The following CA10 variants were observed in gnomAD, a reference collection of about 807,000 sequenced individuals.
CA10 encodes carbonic anhydrase 10 (inactive), also known as carbonic anhydrase-related protein 10.
Under a neutral mutation model 44.2 loss-of-function variants are expected in CA10, and 14 were observed. The ratio of observed to expected loss-of-function variants is 0.32; its 90% CI spans 0.21 to 0.50. CA10 has a LOEUF of 0.50. CA10 is among the 20% of genes least tolerant of loss of function. The pLI, the probability that CA10 is intolerant of heterozygous loss-of-function variation, is 0.99. For missense variants in CA10, 350 were observed against 409.7 expected, an observed-to-expected ratio of 0.85 and a Z score of 1.26; for synonymous variants, 159 against 141.6, an observed-to-expected ratio of 1.12 and a Z score of -0.87.
At chr17:51,755,251 G>C (rs544557065) in intron 3 of CA10, among the ~76,000 whole-genome samples, 1 of 152,298 alleles carries the variant, frequency 6.6e-6, no homozygotes, top group Admixed American at 6.5e-5. Flanking sequence ...TTGGGTCTTA[G>C]ATGTTGTATA....
At chr17:51,986,956 A>T (rs1167904074) in intron 2 of CA10, among the ~76,000 whole-genome samples, 3 of 152,112 alleles carry the variant, frequency 2.0e-5, no homozygotes. Context: ...GAGATTCCTT[A>T]AAGAACTAAA....
chr17:52,016,092 G>T (rs11650852), intron 2 of CA10, among the ~76,000 whole-genome samples: 15,821 of 151,982 alleles, frequency 0.1, 880 homozygotes, highest in South Asian at 0.16. Flanking sequence ...TTTGGGAGAG[G>T]CATTGGAGTT....
At chr17:51,996,909 T>C (rs948612909) in intron 2 of CA10, among the ~76,000 whole-genome samples, 1 of 152,092 alleles carries the variant, frequency 6.6e-6, no homozygotes, top group Admixed American at 6.6e-5. Context: ...AGAGAACTTC[T>C]GTAATATGCA....
At chr17:51,692,684 AATT>A (rs1208442856) in intron 4 of CA10, among the ~76,000 whole-genome samples, 1 of 151,374 alleles carries the variant, frequency 6.6e-6, no homozygotes, top group African/African-American at 2.4e-5. Context: ...TTAATCCATT[AATT>A]ATTGGCCTAT....
chr17:51,851,070 T>G (rs948946484), intron 3 of CA10, among the ~76,000 whole-genome samples: 3 of 152,222 alleles, frequency 2.0e-5, no homozygotes, highest in African/African-American at 7.2e-5. Context: ...GGAGCAAAGC[T>G]GCCTAGCATG....
rs184107323 is a variant in CA10 at position 51,964,530 on chromosome 17, A to T, written c.137-33398T>A. On this transcript the variant is annotated intron_variant, in intron 2 of 8. Transcript: ENST00000451037. Reference sequence around the variant, plus strand: ...GCCATAAAGCAAGTCTCAATAATTTAAAAAAAAATTGAAATTACACCAACC... The same window carrying T: ...GCCATAAAGCAAGTCTCAATAATTTTAAAAAAAATTGAAATTACACCAACC... Among the ~76,000 whole-genome samples, 37 of 151,224 alleles carry T rather than the reference A, an allele frequency of 2.4e-4. No individual in the cohort carries two copies. In the East Asian group the frequency reaches 2.5e-3, roughly 10 times the overall value.
At chr17:51,845,207 C>G (rs543201200) in intron 3 of CA10, among the ~76,000 whole-genome samples, 1 of 152,162 alleles carries the variant, frequency 6.6e-6, no homozygotes, top group Admixed American at 6.5e-5. Flanking sequence ...TTTAAGCCAC[C>G]AGTTTGTGTC....
chr17:51,886,211 G>T (rs549231000), intron 3 of CA10, among the ~76,000 whole-genome samples: 1 of 152,210 alleles, frequency 6.6e-6, no homozygotes, highest in Non-Finnish European at 1.5e-5. Context: ...TTTGAGCATT[G>T]TGGGTGAATG....
intron 3 of CA10, among the ~76,000 whole-genome samples, chr17:51,873,716 G>GT (rs1294462425): frequency 6.6e-6 from 1 of 152,208 alleles, no homozygotes; most frequent in Non-Finnish European, 1.5e-5. Context: ...TGGGCCTTTG[G>GT]TTCTGCTCCT....
intron 3 of CA10, among the ~76,000 whole-genome samples, chr17:51,889,393 G>T (rs1377224593): frequency 6.6e-6 from 1 of 152,072 alleles, no homozygotes; most frequent in African/African-American, 2.4e-5. Flanking sequence ...GTGTTGGGGT[G>T]AACACCCATA....
chr17:51,795,616 G>T (rs768934560), intron 3 of CA10, among the ~76,000 whole-genome samples: 3 of 152,194 alleles, frequency 2.0e-5, no homozygotes, highest in Non-Finnish European at 4.4e-5. Flanking sequence ...CAGAACAAAG[G>T]TGCCTTTGGT....
intron 3 of CA10, among the ~76,000 whole-genome samples, chr17:51,922,345 C>T (rs1412049741): frequency 2.0e-5 from 3 of 152,270 alleles, no homozygotes; most frequent in Admixed American, 6.5e-5. Context: ...ATCTAAAATT[C>T]AAACTCAGTT....
At chr17:51,841,685 T>C (rs1031032118) in intron 3 of CA10, among the ~76,000 whole-genome samples, 2 of 152,160 alleles carry the variant, frequency 1.3e-5, no homozygotes, top group African/African-American at 4.8e-5. Flanking sequence ...TATGGGTTGA[T>C]TTATTATTTT....
intron 3 of CA10, among the ~76,000 whole-genome samples, chr17:51,902,540 T>C (rs79537880): frequency 0.012 from 1,772 of 152,288 alleles, 39 homozygotes; most frequent in African/African-American, 0.041. Flanking sequence ...CACAATGAGC[T>C]AGTAAAAACC....
At chr17:52,050,817 A>C (rs917663619) in intron 2 of CA10, among the ~76,000 whole-genome samples, 2 of 152,096 alleles carry the variant, frequency 1.3e-5, no homozygotes, top group Non-Finnish European at 2.9e-5. Context: ...TAGAATGTGC[A>C]TACTTTGAAA....
At chr17:51,692,090 T>A (rs1268890) in intron 4 of CA10, among the ~76,000 whole-genome samples, 152,346 of 152,346 alleles carry the variant, frequency 1, 76,173 homozygotes, top group Non-Finnish European at 1. Flanking sequence ...TCTGGGTAGT[T>A]CAGATGTTTA....
chr17:52,072,070 G>A (rs539912283), intron 2 of CA10, among the ~76,000 whole-genome samples: 2 of 152,200 alleles, frequency 1.3e-5, no homozygotes, highest in African/African-American at 2.4e-5. Context: ...ACACAGCTTC[G>A]GCCCTTAATC....
chr17:52,079,375 C>G (rs1987904636), intron 1 of CA10, among the ~76,000 whole-genome samples: 1 of 151,788 alleles, frequency 6.6e-6, no homozygotes, highest in Non-Finnish European at 1.5e-5. Flanking sequence ...AGGAGAATCG[C>G]TTCAACCCGG....
intron 2 of CA10, among the ~76,000 whole-genome samples, chr17:52,017,349 G>A (rs1210646282): frequency 1.3e-5 from 2 of 152,162 alleles, no homozygotes; most frequent in East Asian, 3.9e-4. Context: ...TGACCAAAAT[G>A]CTGATAGAAA....
Sources: gnomAD v4.1 joint callset for allele counts (sites outside exome capture counted in the v4.1 genomes callset) on GRCh38, gnomAD v4.1.1 for gene constraint, MANE v1.5 for transcripts, NCBI Gene and HGNC (gene_info 2026-07-23, HGNC 2026-07-21) for gene names.